CBFA2T2: variants seen among roughly 807,000 people sequenced by gnomAD.
CBFA2T2 encodes the protein protein CBFA2T2.
CBFA2T2 carries 11 observed loss-of-function variants against 62.2 expected under a neutral mutation model. The ratio of observed to expected loss-of-function variants is 0.18; its 90% CI spans 0.11 to 0.29. The LOEUF (loss-of-function observed/expected upper bound fraction) is 0.29, where lower values mean the gene tolerates loss of function less well. Ranked by LOEUF, CBFA2T2 falls within the 10% of genes least tolerant of loss-of-function variation. The pLI is 1.00. For missense variants in CBFA2T2, 592 were observed against 774.1 expected (o/e 0.76, Z 2.79); for synonymous variants, 295 against 287.5 (o/e 1.03, Z -0.27).
intron 1 of CBFA2T2, among the ~76,000 whole-genome samples, chr20:33,514,995 G>A (rs1476073920): frequency 1.3e-5 from 2 of 151,694 alleles, no homozygotes; most frequent in African/African-American, 4.8e-5. Context: ...CTGGGTCTAA[G>A]AGATTGCTTT....
chr20:33,557,416 T>A (rs889921511), intron 1 of CBFA2T2, among the ~76,000 whole-genome samples: 4 of 152,178 alleles, frequency 2.6e-5, no homozygotes, highest in African/African-American at 9.7e-5. Flanking sequence ...GATCTGGGTG[T>A]TCATTTATAG....
rs73904710 is a variant in CBFA2T2 at position 33,496,739 on chromosome 20, G to A, written c.34+6438G>A. 5.9e-3 allele frequency among the ~76,000 whole-genome samples: 903 copies of A among 152,238 alleles called. 11 individuals carry two copies. The highest frequency in any genetic ancestry group is 0.021 in the African/African-American group (852 of 41,532). On this transcript the variant is annotated intron_variant, in intron 1 of 10. Coordinates refer to ENST00000342704, the MANE Select transcript of CBFA2T2 (RefSeq NM_001032999.3). ...ATCCATTGGGATTACAGAAGAGATC[G>A]GAAAGTGCATCAGAAAGGCTTGTCT...
At chr20:33,566,265 G>A (rs545795974) in intron 1 of CBFA2T2, among the ~76,000 whole-genome samples, 34 of 152,130 alleles carry the variant, frequency 2.2e-4, no homozygotes, top group Non-Finnish European at 4.1e-4. Flanking sequence ...TGATAATATG[G>A]TAAGGGATTT....
At position 33,607,072 on chromosome 20, in the gene CBFA2T2, A is replaced by C; in HGVS notation, c.151A>C (p.Arg51=). ...PLPPINPGGP[R]PVSFTPTALS... ...CCCACCAATAAATCCTGGAGGACCG[A>C]GGCCAGTGTCCTTCACTCCTACTGC... is the stretch of plus-strand genomic sequence containing the variant. The change falls in exon 2 of 11, where the codon AGG becomes CGG. Residue 51 remains arginine, a synonymous_variant. Coordinates refer to ENST00000342704, the MANE Select transcript of CBFA2T2 (RefSeq NM_001032999.3). 3.7e-6 allele frequency: 6 copies of C among 1,614,080 alleles called. No individual in the cohort carries two copies. Among genetic ancestry groups the C allele is most frequent in the Non-Finnish European group, 5.1e-6 (6 of 1,179,958 alleles).
In CBFA2T2 at chr20:33,644,636, A is replaced by G. The variant is rs754137827; in HGVS notation, c.1778A>G (p.Asn593Ser). Residue 593 changes from asparagine (N) to serine (S), a missense_variant, in exon 11 of 11, where the codon AAC (asparagine) becomes AGC (serine). Physicochemically the swap from Asn to Ser is conservative, Grantham distance 46. This residue lies in a region of CBFA2T2 where 85 missense variants were observed against 99.0 expected (regional missense o/e 0.86). Coordinates refer to ENST00000342704, the MANE Select transcript of CBFA2T2 (RefSeq NM_001032999.3). ...TPASVTAIDT[N>S]GL ...GCTTCTGTGACAGCTATCGACACCA[A>G]CGGACTCTGAGCCCCGGACTCTGCT... The G allele has an allele frequency of 7.5e-6, 12 of 1,603,220 alleles. No individual in the cohort carries two copies. The highest frequency in any genetic ancestry group is 6.7e-5 in the East Asian group (3 of 44,662).
chr20:33,642,808 AAG>A (rs1038914118), intron 10 of CBFA2T2, among the ~76,000 whole-genome samples: 3 of 152,186 alleles, frequency 2.0e-5, no homozygotes, highest in African/African-American at 7.2e-5. Context: ...TCTCCAAAGA[AAG>A]AGTATAGCTT....
intron 1 of CBFA2T2, among the ~76,000 whole-genome samples, chr20:33,576,910 A>C (rs2013853817): frequency 2.6e-5 from 4 of 152,208 alleles, no homozygotes; most frequent in African/African-American, 9.7e-5. Flanking sequence ...GGTCTATGAG[A>C]TCTTATAGCT....
chr20:33,521,180 T>C (rs2011721466), intron 1 of CBFA2T2, among the ~76,000 whole-genome samples: 1 of 152,216 alleles, frequency 6.6e-6, no homozygotes, highest in Non-Finnish European at 1.5e-5. Flanking sequence ...ATATTCTGTT[T>C]ATTTAGCACT....
chr20:33,499,320 C>T (rs953390285), intron 1 of CBFA2T2, among the ~76,000 whole-genome samples: 1 of 152,104 alleles, frequency 6.6e-6, no homozygotes, highest in African/African-American at 2.4e-5. Flanking sequence ...AGAAAGTGAC[C>T]ATTCTTTTGT....
In CBFA2T2 at chr20:33,572,204, G is replaced by C. The variant is rs189117098; in HGVS notation, c.35-34752G>C. ...TAATATCTGTAAAGATGGTGGTAGG[G>C]TATTAATGTTAATAATTTTGGTAAT... On this transcript the variant is annotated intron_variant, in intron 1 of 10. Transcript: ENST00000342704. Among the ~76,000 whole-genome samples, 571 of 152,254 alleles carry C rather than the reference G, an allele frequency of 3.8e-3. 2 individuals carry two copies. Among genetic ancestry groups the C allele is most frequent in the Non-Finnish European group, 6.4e-3 (434 of 68,020 alleles).
At chr20:33,528,692 G>A (rs200110853) in intron 1 of CBFA2T2, among the ~76,000 whole-genome samples, 1 of 128 alleles carries the variant, frequency 7.8e-3, no homozygotes, top group Admixed American at 0.12. Flanking sequence ...ATGTCCACTC[G>A]TGTGTGTGTG....
chr20:33,526,179 G>A (rs1196301074), intron 1 of CBFA2T2, among the ~76,000 whole-genome samples: 2 of 152,160 alleles, frequency 1.3e-5, no homozygotes, highest in Non-Finnish European at 2.9e-5. Context: ...GAGCCACCGC[G>A]CCTGGCCTTA....
At position 33,623,248 on chromosome 20, in the gene CBFA2T2, A is replaced by G. The variant is rs1186132437; in HGVS notation, c.644A>G (p.Glu215Gly). Residue 215 changes from glutamate to glycine, a missense_variant, in exon 5 of 11, where the codon GAG (glutamate) becomes GGG (glycine). Coordinates refer to ENST00000342704, the MANE Select transcript of CBFA2T2 (RefSeq NM_001032999.3). ...TSIASPADSSELLMEVHGNGK... is the reference protein window; with the variant it reads ...TSIASPADSSGLLMEVHGNGK... ...ATTGCATCGCCTGCTGACTCGTCAG[A>G]GTTGCTCATGGAGGTGCACGGAAAT... The G allele has an allele frequency of 6.2e-7, 1 of 1,614,128 alleles. No individual in the cohort carries two copies. Among genetic ancestry groups the G allele is most frequent in the African/African-American group, 1.3e-5 (1 of 74,950 alleles).
intron 1 of CBFA2T2, among the ~76,000 whole-genome samples, chr20:33,556,033 T>TG (rs1217298175): frequency 6.6e-6 from 1 of 152,092 alleles, no homozygotes; most frequent in Non-Finnish European, 1.5e-5. Context: ...GCCTGGCTAA[T>TG]TTTTTTTACT....
chr20:33,592,391 T>TATATAA (rs1555840429), intron 1 of CBFA2T2, among the ~76,000 whole-genome samples: 1 of 147,226 alleles, frequency 6.8e-6, no homozygotes, highest in South Asian at 2.1e-4. Flanking sequence ...TATATATATA[T>TATATAA]AATTATGTAA....
At chr20:33,629,684 T>C in intron 7 of CBFA2T2, 35 bp from the exon 8 acceptor site, 1 of 1,583,412 alleles carries the variant, frequency 6.3e-7, no homozygotes, top group Non-Finnish European at 8.6e-7. Context: ...TGAATGTTCT[T>C]ATCTCATCTC....
chr20:33,570,577 A>G (rs1405308707), intron 1 of CBFA2T2, among the ~76,000 whole-genome samples: 1 of 152,190 alleles, frequency 6.6e-6, no homozygotes, highest in South Asian at 2.1e-4. Flanking sequence ...GTTTGGAGCT[A>G]GTACATGTTG....
At chr20:33,553,897 A>C (rs1350163734) in intron 1 of CBFA2T2, among the ~76,000 whole-genome samples, 1 of 152,094 alleles carries the variant, frequency 6.6e-6, no homozygotes, top group African/African-American at 2.4e-5. Flanking sequence ...ACAATCTTAA[A>C]TATATTAATT....
intron 1 of CBFA2T2, among the ~76,000 whole-genome samples, chr20:33,540,565 A>G (rs1377960589): frequency 6.6e-6 from 1 of 152,220 alleles, no homozygotes; most frequent in African/African-American, 2.4e-5. Context: ...CCCTTATAAC[A>G]TGCTTTTTCA....
Sources: gnomAD v4.1 joint callset for allele counts (sites outside exome capture counted in the v4.1 genomes callset) on GRCh38, gnomAD v4.1.1 for gene constraint, gnomAD v4.1.1 regional missense constraint, MANE v1.5 for transcripts, NCBI Gene and HGNC (gene_info 2026-07-23, HGNC 2026-07-21) for gene names.